PSMB1: variants seen among roughly 807,000 people sequenced by gnomAD.
PSMB1 encodes the protein proteasome 20S subunit beta 1.
In PSMB1, 7 loss-of-function variants were observed where a neutral mutation model predicts 25.4. The observed-to-expected ratio is 0.28, with a 90% CI of 0.16 to 0.52. The LOEUF (loss-of-function observed/expected upper bound fraction) is 0.52. Ranked by LOEUF, PSMB1 falls within the 20% of genes least tolerant of loss-of-function variation. PSMB1 has a pLI of 0.97. For missense variants in PSMB1, 284 were observed against 302.2 expected (o/e 0.94, Z 0.45); for synonymous variants, 119 against 115.0 (o/e 1.03, Z -0.22).
chr6:170,550,544 G>C (rs1446985768), intron 1 of PSMB1: 1 of 152,200 alleles, frequency 6.6e-6, no homozygotes, highest in Admixed American at 6.5e-5. Context: ...GCATTAGAGT[G>C]AGACCTGGTC....
intron 2 of PSMB1, among the ~76,000 whole-genome samples, chr6:170,547,827 A>G (rs1231821505): frequency 1.4e-5 from 2 of 146,258 alleles, no homozygotes; most frequent in African/African-American, 5.0e-5. Context: ...ATATACAGGC[A>G]TTCGTTAATG....
chr6:170,547,966 T>C (rs1049940429), intron 2 of PSMB1, among the ~76,000 whole-genome samples: 1 of 150,430 alleles, frequency 6.6e-6, no homozygotes, highest in Non-Finnish European at 1.5e-5. Context: ...AGTACAAGGA[T>C]GGTATCCATA....
intron 4 of PSMB1, among the ~76,000 whole-genome samples, chr6:170,542,009 G>C (rs1357917976): frequency 2.0e-5 from 3 of 152,160 alleles, no homozygotes; most frequent in Non-Finnish European, 4.4e-5. Context: ...AAAGACACCA[G>C]AAGCATCCAG....
chr6:170,553,232 G>A lies in PSMB1; in HGVS notation c.11C>T (p.Ser4Phe), dbSNP rs779662101. Residue 4 changes from serine to phenylalanine, a missense_variant, in exon 1 of 6, where the codon TCT becomes TTT. By Grantham distance (155) the Ser-to-Phe change is radical (BLOSUM62 -2). Coordinates refer to ENST00000262193, the MANE Select transcript of PSMB1 (RefSeq NM_002793.4). Reference protein sequence around the residue: MLSSTAMYSAPGRD... With the variant: MLSFTAMYSAPGRD... The stretch of plus-strand genomic sequence containing the variant: ...GCCAGGAGCCGAATACATGGCTGTA[G>A]AGGACAACATCGCACGGCTGCGCCT... 9 of 1,611,864 alleles carry A rather than the reference G, an allele frequency of 5.6e-6. No individual in the cohort carries two copies. Among genetic ancestry groups the A allele is most frequent in the Admixed American group, 1.7e-5 (1 of 59,830 alleles).
chr6:170,538,209 G>T (rs1165404412), intron 4 of PSMB1, among the ~76,000 whole-genome samples: 2 of 152,136 alleles, frequency 1.3e-5, no homozygotes, highest in Non-Finnish European at 2.9e-5. Context: ...CGTTAAAAAG[G>T]CCTGTTAAAA....
Position 170,549,053 on chromosome 6 carries a change from A to T in PSMB1, c.174T>A (p.Ser58Arg). The T allele has an allele frequency of 1.9e-6, 3 of 1,613,804 alleles. No individual in the cohort carries two copies. Among genetic ancestry groups the T allele is most frequent in the Non-Finnish European group, 2.5e-6 (3 of 1,179,842 alleles). Reference sequence around the variant, plus strand: ...CCCGCGTATGAATTGAAAACCCTTCACTCAATCGAGTATCAGAAGCAACAA... The same window carrying T: ...CCCGCGTATGAATTGAAAACCCTTCTCTCAATCGAGTATCAGAAGCAACAA... ...FAIVASDTRL[S>R]EGFSIHTRDS... Residue 58 changes from serine (S) to arginine (R), a missense_variant, in exon 2 of 6, where the codon AGT becomes AGA. Coordinates refer to ENST00000262193, the MANE Select transcript of PSMB1 (RefSeq NM_002793.4).
rs147952826 is a variant in PSMB1 at position 170,548,025 on chromosome 6, C to T, written c.221+981G>A. Reference sequence around the variant, plus strand: ...TAATATTTACTACTTTCAAGTTGTACAAGTGTCGTCCTTGAGGAGAAAAAA... The same window carrying T: ...TAATATTTACTACTTTCAAGTTGTATAAGTGTCGTCCTTGAGGAGAAAAAA... On this transcript the variant is annotated intron_variant, in intron 2 of 5. Coordinates refer to ENST00000262193, the MANE Select transcript of PSMB1 (RefSeq NM_002793.4). 2.8e-4 allele frequency among the ~76,000 whole-genome samples: 42 copies of T among 151,832 alleles called. 1 individual carries two copies. Among genetic ancestry groups the T allele is most frequent in the African/African-American group, 8.0e-4 (33 of 41,214 alleles).
intron 3 of PSMB1, among the ~76,000 whole-genome samples, chr6:170,545,290 A>G (rs1252543401): frequency 6.6e-6 from 1 of 152,218 alleles, no homozygotes; most frequent in Admixed American, 6.5e-5. Flanking sequence ...TTTTATTAAC[A>G]ATATCATGTT....
chr6:170,543,763 G>A (rs1411373630), intron 3 of PSMB1, 33 bp from the exon 4 acceptor site: 1 of 1,587,884 alleles, frequency 6.3e-7, no homozygotes, highest in Non-Finnish European at 8.6e-7. Flanking sequence ...CAGGCATGTA[G>A]AGGCAGAGGC....
chr6:170,549,103 C>T lies in PSMB1; in HGVS notation c.124G>A (p.Ala42Thr). 1 of 1,609,754 alleles carries T rather than the reference C, an allele frequency of 6.2e-7. No homozygotes were observed. Among genetic ancestry groups the T allele is most frequent in the Non-Finnish European group, 8.5e-7 (1 of 1,176,400 alleles). Residue 42 changes from alanine to threonine, a missense_variant, in exon 2 of 6, where the codon GCA becomes ACA. Physicochemically the swap from Ala to Thr is moderately conservative, Grantham distance 58. Coordinates refer to ENST00000262193, the MANE Select transcript of PSMB1 (RefSeq NM_002793.4). The part of the protein sequence containing the change: ...PYVFNGGTIL[A>T]IAGEDFAIVA... ...ATTGCAAAATCTTCTCCAGCAATTG[C>T]CAGTATAGTACTGAGGAAAAAAGAA...
intron 5 of PSMB1, among the ~76,000 whole-genome samples, chr6:170,535,730 A>C (rs1778681832): frequency 6.6e-6 from 1 of 152,194 alleles, no homozygotes; most frequent in South Asian, 2.1e-4. Context: ...GATGTCCACT[A>C]AGTCTCCTAG....
At chr6:170,551,939 G>T (rs1015042741) in intron 1 of PSMB1, among the ~76,000 whole-genome samples, 2 of 152,212 alleles carry the variant, frequency 1.3e-5, no homozygotes, top group Non-Finnish European at 1.5e-5. Flanking sequence ...TTAGGTTCAA[G>T]AAGTTCAGAA....
At chr6:170,541,817 T>C (rs1778762053) in intron 4 of PSMB1, among the ~76,000 whole-genome samples, 1 of 152,212 alleles carries the variant, frequency 6.6e-6, no homozygotes, top group Admixed American at 6.5e-5. Flanking sequence ...AAGCCAAACC[T>C]GAATCTTAGG....
In PSMB1 at chr6:170,535,266, G is replaced by A; in HGVS notation, c.680C>T (p.Thr227Ile). The A allele has an allele frequency of 6.2e-7, 1 of 1,614,118 alleles. No homozygotes were observed. The highest frequency in any genetic ancestry group is 1.1e-5 in the South Asian group (1 of 91,078). Residue 227 changes from threonine to isoleucine, a missense_variant, in exon 6 of 6, where the codon ACC becomes ATC. Transcript: ENST00000262193. ...TGDALRICIV[T>I]KEGIREETVS... ...AGTTTCCTCCCTGATGCCCTCTTTG[G>A]TCACTATGCAGATCCGGAGTGCGTC...
At chr6:170,536,820 G>GC (rs1778700071) in intron 5 of PSMB1, among the ~76,000 whole-genome samples, 3 of 152,118 alleles carry the variant, frequency 2.0e-5, no homozygotes, top group Non-Finnish European at 2.9e-5. Flanking sequence ...GGGAACTGGC[G>GC]CCCCAATCCC....
intron 4 of PSMB1, among the ~76,000 whole-genome samples, chr6:170,541,561 GGTAA>G (rs1778759446): frequency 6.6e-6 from 1 of 152,082 alleles, no homozygotes; most frequent in Non-Finnish European, 1.5e-5. Context: ...GGAAAATGGA[GGTAA>G]GTACCAGGAA....
intron 4 of PSMB1, among the ~76,000 whole-genome samples, chr6:170,538,387 G>T (rs1778719311): frequency 6.6e-6 from 1 of 152,154 alleles, no homozygotes; most frequent in South Asian, 2.1e-4. Context: ...TGTTAGCTTT[G>T]TATGTTTTCT....
chr6:170,543,405 C>T (rs1245158980), intron 4 of PSMB1, among the ~76,000 whole-genome samples, 196 bp downstream of exon 4: 1 of 152,198 alleles, frequency 6.6e-6, no homozygotes, highest in Non-Finnish European at 1.5e-5. Context: ...GGCTGCTCAA[C>T]ATTCACTATT....
chr6:170,543,371 T>C (rs1171796499), intron 4 of PSMB1, among the ~76,000 whole-genome samples: 1 of 152,180 alleles, frequency 6.6e-6, no homozygotes, highest in African/African-American at 2.4e-5. Flanking sequence ...TCATGCAAGT[T>C]CCTGAGAAAA....
Sources: gnomAD v4.1 joint callset for allele counts (sites outside exome capture counted in the v4.1 genomes callset) on GRCh38, gnomAD v4.1.1 for gene constraint, MANE v1.5 for transcripts, NCBI Gene and HGNC (gene_info 2026-07-23, HGNC 2026-07-21) for gene names.